Variants in TMEM178B observed in about 807,000 individuals in gnomAD.
The protein encoded by TMEM178B is transmembrane protein 178B.
TMEM178B carries 5 observed loss-of-function variants against 31.0 expected under a neutral mutation model. The observed-to-expected ratio is 0.16, with a 90% CI of 0.08 to 0.34. The LOEUF (loss-of-function observed/expected upper bound fraction) is 0.34. TMEM178B is among the 10% of genes least tolerant of loss of function. The pLI is 1.00. For synonymous variants in TMEM178B, 164 were observed against 164.0 expected, an observed-to-expected ratio of 1.00 and a Z score of 0.00; for missense variants, 275 against 400.3, an observed-to-expected ratio of 0.69 and a Z score of 2.67.
At chr7:141,191,915 A>G (rs1228284783) in intron 1 of TMEM178B, among the ~76,000 whole-genome samples, 1 of 152,204 alleles carries the variant, frequency 6.6e-6, no homozygotes, top group Non-Finnish European at 1.5e-5. Flanking sequence ...TGGGCTATAA[A>G]AAGGTTTTAA....
intron 2 of TMEM178B, among the ~76,000 whole-genome samples, chr7:141,377,145 T>TG (rs1296216623): frequency 6.6e-6 from 1 of 150,760 alleles, no homozygotes; most frequent in Non-Finnish European, 1.5e-5. Flanking sequence ...CTGTAATCCA[T>TG]GGGGGCTACT....
chr7:141,440,242 C>T (rs1316801525), intron 3 of TMEM178B, among the ~76,000 whole-genome samples: 1 of 152,214 alleles, frequency 6.6e-6, no homozygotes, highest in African/African-American at 2.4e-5. Context: ...AATTAGGAGT[C>T]AGAGGCCCCT....
chr7:141,207,934 A>G (rs1410770737), intron 1 of TMEM178B, among the ~76,000 whole-genome samples: 5 of 152,114 alleles, frequency 3.3e-5, no homozygotes, highest in African/African-American at 1.2e-4. Flanking sequence ...TTGTGCCTAT[A>G]ATCCCAGCAA....
chr7:141,152,202 C>T (rs764004920), intron 1 of TMEM178B, among the ~76,000 whole-genome samples: 3 of 152,174 alleles, frequency 2.0e-5, no homozygotes, highest in Non-Finnish European at 4.4e-5. Context: ...GACTGAGCCC[C>T]ACACTAGGAG....
intron 1 of TMEM178B, among the ~76,000 whole-genome samples, chr7:141,103,827 C>T (rs1352193146): frequency 3.9e-5 from 6 of 152,134 alleles, no homozygotes; most frequent in African/African-American, 1.4e-4. Flanking sequence ...GCAGATTTTA[C>T]TAAGACTGTA....
chr7:141,509,670 A>C, the TMEM178B span, among the ~76,000 whole-genome samples: 1 of 152,072 alleles, frequency 6.6e-6, no homozygotes, highest in African/African-American at 2.4e-5. Flanking sequence ...ACAAAACAAA[A>C]CAAAACATTT....
chr7:141,101,908 CGTGTGTGTGTGTGT>C (rs3032868), intron 1 of TMEM178B, among the ~76,000 whole-genome samples: 16 of 142,712 alleles, frequency 1.1e-4, no homozygotes, highest in Non-Finnish European at 2.3e-4. Flanking sequence ...TGTGTGTTAA[CGTGTGTGTGTGTGT>C]GTGTGTGTGT....
chr7:141,415,832 G>C (rs2116643422), intron 2 of TMEM178B, among the ~76,000 whole-genome samples: 1 of 152,312 alleles, frequency 6.6e-6, no homozygotes, highest in East Asian at 1.9e-4. Context: ...TGTCCAATCA[G>C]CTGTGAGAGA....
At chr7:141,178,900 A>G (rs1180157800) in intron 1 of TMEM178B, among the ~76,000 whole-genome samples, 2 of 152,208 alleles carry the variant, frequency 1.3e-5, no homozygotes, top group East Asian at 3.8e-4. Flanking sequence ...GCAGGCTCTG[A>G]ATGGAGGCCC....
chr7:141,448,436 A>G (rs1297268069), intron 3 of TMEM178B, among the ~76,000 whole-genome samples: 2 of 152,214 alleles, frequency 1.3e-5, no homozygotes, highest in Non-Finnish European at 2.9e-5. Flanking sequence ...TTTTGAGGCC[A>G]AGGATTCAGA....
chr7:141,327,686 C>T (rs992980270), intron 2 of TMEM178B, among the ~76,000 whole-genome samples: 1 of 152,138 alleles, frequency 6.6e-6, no homozygotes, highest in Non-Finnish European at 1.5e-5. Flanking sequence ...GTAGGACTTT[C>T]AAGAGGTGTT....
intron 3 of TMEM178B, among the ~76,000 whole-genome samples, chr7:141,452,048 G>A (rs1250988778): frequency 1.3e-5 from 2 of 151,892 alleles, no homozygotes; most frequent in Non-Finnish European, 2.9e-5. Context: ...TTCCTTTTCT[G>A]TTTTCTTTGC....
intron 2 of TMEM178B, among the ~76,000 whole-genome samples, chr7:141,260,726 TAAAA>T (rs1158245710): frequency 6.6e-6 from 1 of 152,160 alleles, no homozygotes; most frequent in Non-Finnish European, 1.5e-5. Flanking sequence ...GTAAGTAATT[TAAAA>T]AAACATTATT....
At chr7:141,486,907 C>T in the TMEM178B span, among the ~76,000 whole-genome samples, 5 of 151,942 alleles carry the variant, frequency 3.3e-5, no homozygotes, top group Non-Finnish European at 5.9e-5. Flanking sequence ...AGGTGCTAAG[C>T]GTGTGGTTTT....
intron 2 of TMEM178B, among the ~76,000 whole-genome samples, chr7:141,424,928 C>T (rs1427320059): frequency 6.6e-6 from 1 of 152,156 alleles, no homozygotes; most frequent in African/African-American, 2.4e-5. Context: ...TGGCACGGAT[C>T]ATGAAAAGCA....
chr7:141,442,797 A>G (rs1181754), intron 3 of TMEM178B, among the ~76,000 whole-genome samples: 39,797 of 152,124 alleles, frequency 0.26, 6,250 homozygotes, highest in East Asian at 0.59. Flanking sequence ...TTATTTTCCA[A>G]AACGTTTGTG....
chr7:141,156,679 C>G (rs1298565584), intron 1 of TMEM178B, among the ~76,000 whole-genome samples: 1 of 152,210 alleles, frequency 6.6e-6, no homozygotes, highest in African/African-American at 2.4e-5. Context: ...ATCTTGCTTT[C>G]ATGCTTTTTG....
In TMEM178B at chr7:141,222,066, A is replaced by T. The variant is rs144387966; in HGVS notation, c.496+9362A>T. 5.9e-5 allele frequency among the ~76,000 whole-genome samples: 9 copies of T among 152,298 alleles called. No homozygotes were observed. The East Asian group carries it at 1.5e-3, about 26-fold the overall frequency. ...CAGAGAAGGGTCAGGGCAGGAGAGC[A>T]TGGGTAGGCTTGGGATGGGAGATGG... On this transcript the variant is annotated intron_variant, in intron 2 of 3. Transcript: ENST00000565468.
intron 1 of TMEM178B, among the ~76,000 whole-genome samples, chr7:141,095,721 G>C (rs1046319564): frequency 3.9e-5 from 6 of 152,164 alleles, no homozygotes; most frequent in Non-Finnish European, 7.3e-5. Context: ...TGCAGAAGAC[G>C]TATGATTATT....
Sources: gnomAD v4.1 joint callset for allele counts (sites outside exome capture counted in the v4.1 genomes callset) on GRCh38, gnomAD v4.1.1 for gene constraint, MANE v1.5 for transcripts, NCBI Gene and HGNC (gene_info 2026-07-23, HGNC 2026-07-21) for gene names.